Variants in ANKS3 observed in about 807,000 individuals in gnomAD.
The protein encoded by ANKS3 is ankyrin repeat and SAM domain-containing protein 3.
In ANKS3, 62 loss-of-function variants were observed where a neutral mutation model predicts 80.7. The ratio of observed to expected loss-of-function variants is 0.77; its 90% CI spans 0.63 to 0.95. The LOEUF is 0.95. ANKS3 is among the 40% of genes least tolerant of loss of function. ANKS3 has a pLI of 0.00. For missense variants in ANKS3, 1,150 were observed against 883.6 expected (o/e 1.30, Z -3.82); for synonymous variants, 489 against 355.3 (o/e 1.38, Z -4.23).
rs565737241 is a variant in ANKS3, at chr16:4,728,459, G to T, written c.171-1282C>A. ...CAGAAGGTCCTGATACCAGGGTTCA[G>T]TGGCAGCCCCTGGCCAGGGGGGCTG... On this transcript the variant is annotated intron_variant, in intron 3 of 17. Transcript: ENST00000304283. Among the ~76,000 whole-genome samples, 8 of 152,268 alleles carry T rather than the reference G, an allele frequency of 5.3e-5. No homozygotes were observed. In the South Asian group the frequency reaches 8.3e-4, roughly 16 times the overall value.
chr16:4,699,491 G>A (rs753636323), intron 11 of ANKS3: 62 of 361,642 alleles, frequency 1.7e-4, no homozygotes, highest in Admixed American at 4.9e-4. Flanking sequence ...CTTTGTAGGC[G>A]GAGAGCGCTG....
At position 4,730,591 on chromosome 16, in the gene ANKS3, G is replaced by A. The variant is rs1441391423; in HGVS notation, c.-2-440C>T. 7.2e-5 allele frequency among the ~76,000 whole-genome samples: 11 copies of A among 152,272 alleles called. No individual in the cohort carries two copies. In the East Asian group the frequency reaches 1.9e-3, roughly 27 times the overall value. On this transcript the variant is annotated intron_variant, in intron 2 of 17. Coordinates refer to ENST00000304283, the MANE Select transcript of ANKS3 (RefSeq NM_133450.4). ...TTGATCAAAATTCAGCTTGGACCCG[G>A]TGCGGTGGCTCACACCTGTAATCCC...
chr16:4,709,457 C>G (rs1299741621), intron 7 of ANKS3, among the ~76,000 whole-genome samples: 1 of 151,896 alleles, frequency 6.6e-6, no homozygotes, highest in Non-Finnish European at 1.5e-5. Context: ...AGCAATTCCA[C>G]TACTGGGTAT....
chr16:4,732,693 A>AC (rs1567473732), intron 1 of ANKS3, among the ~76,000 whole-genome samples: 1 of 151,348 alleles, frequency 6.6e-6, no homozygotes, highest in African/African-American at 2.4e-5. Context: ...AAAAAAACAA[A>AC]AAAAAAACAC....
intron 11 of ANKS3, 164 bp from the exon 12 acceptor site, chr16:4,699,340 C>G: frequency 1.1e-6 from 1 of 912,114 alleles, no homozygotes; most frequent in Non-Finnish European, 1.6e-6. Flanking sequence ...TCAGGCAGGG[C>G]AGGATGTTGC....
At chr16:4,725,978 TTG>T (rs2081326755) in intron 5 of ANKS3, among the ~76,000 whole-genome samples, 1 of 69,102 alleles carries the variant, frequency 1.4e-5, no homozygotes, top group African/African-American at 3.8e-5. Context: ...ACTGTTGTTT[TTG>T]TTTTTTTTTT....
chr16:4,696,833 C>T lies in ANKS3; in HGVS notation c.*75G>A, dbSNP rs571255909. The T allele has an allele frequency of 3.1e-6, 2 of 639,376 alleles. No individual in the cohort carries two copies. The highest frequency in any genetic ancestry group is 5.2e-5 in the Admixed American group (2 of 38,200). The allele number at this position is 639,376 out of a possible 1,614,324, so 39.6% of individuals were successfully genotyped here. A position where few individuals can be genotyped will look rare whatever the true frequency, so the allele number is the denominator to read the frequency against. On this transcript the variant is annotated 3_prime_UTR_variant, in exon 18 of 18. Transcript: ENST00000304283. Reference sequence around the variant, plus strand: ...CTGGGCTGCACATGGCAGCTACCTGCTCACTGTCCTCCTCACTCCCTGGCA... The same window carrying T: ...CTGGGCTGCACATGGCAGCTACCTGTTCACTGTCCTCCTCACTCCCTGGCA...
At position 4,730,047 on chromosome 16, in the gene ANKS3, C is replaced by T. The variant is rs1304317807; in HGVS notation, c.103G>A (p.Val35Ile). 2.5e-6 allele frequency: 4 copies of T among 1,588,754 alleles called. No individual in the cohort carries two copies. Among genetic ancestry groups the T allele is most frequent in the East Asian group, 4.7e-5 (2 of 42,766 alleles). Residue 35 changes from valine (V) to isoleucine (I), a missense_variant, in exon 3 of 18, where the codon GTC (valine) becomes ATC (isoleucine). Coordinates refer to ENST00000304283, the MANE Select transcript of ANKS3 (RefSeq NM_133450.4). ...GTQVSGEELDVPLDLHTAASI... is the reference protein window; with the variant it reads ...GTQVSGEELDIPLDLHTAASI... Reference sequence around the variant, plus strand: ...GCAGCTGTGTGAAGATCCAGGGGGACATCCAGCTCCTCCCCGCTGACCTGT... The same window carrying T: ...GCAGCTGTGTGAAGATCCAGGGGGATATCCAGCTCCTCCCCGCTGACCTGT...
chr16:4,707,828 G>A (rs1382229290), intron 7 of ANKS3, among the ~76,000 whole-genome samples: 1 of 151,972 alleles, frequency 6.6e-6, no homozygotes, highest in African/African-American at 2.4e-5. Context: ...ATATTGATCA[G>A]GGCCGGGCGC....
intron 1 of ANKS3, among the ~76,000 whole-genome samples, chr16:4,732,666 G>C (rs979896966): frequency 1.1e-5 from 1 of 88,254 alleles, no homozygotes; most frequent in Non-Finnish European, 2.1e-5. Context: ...GCAACAGAGC[G>C]AAATTCTGTC....
rs935786568 is a variant in ANKS3, at chr16:4,716,250, C to T, written c.574-2064G>A. On this transcript the variant is annotated intron_variant, in intron 6 of 17. Coordinates refer to ENST00000304283, the MANE Select transcript of ANKS3 (RefSeq NM_133450.4). ...TGGTGGGCACCTGCAGTCCCAGCTA[C>T]TCCGGGGGGCTGAGGCAGGAGAATC... Among the ~76,000 whole-genome samples, 318 of 151,260 alleles carry T rather than the reference C, an allele frequency of 2.1e-3. 11 individuals carry two copies. The highest frequency in any genetic ancestry group is 2.5e-4 in the Non-Finnish European group (17 of 67,874).
At chr16:4,714,359 G>C in intron 6 of ANKS3, 173 bp from the exon 7 acceptor site, 5 of 958,486 alleles carry the variant, frequency 5.2e-6, no homozygotes, top group Non-Finnish European at 6.1e-6. Flanking sequence ...GCAGCCACAA[G>C]TTTTGCTCTC....
chr16:4,698,451 G>A lies in ANKS3; in HGVS notation c.1700C>T (p.Ala567Val). ...LRETWALARDAALVLDQLRAC... is the reference protein window; with the variant it reads ...LRETWALARDVALVLDQLRAC... ...CCGCAGCTGGTCCAGGACGAGGGCA[G>A]CATCCCGGGCCAGGGCCCACGTCTC... Residue 567 changes from alanine to valine, a missense_variant, in exon 14 of 18, where the codon GCT (alanine) becomes GTT (valine). By Grantham distance (64) the Ala-to-Val change is moderately conservative. Transcript: ENST00000304283. 1 of 1,537,504 alleles carries A rather than the reference G, an allele frequency of 6.5e-7. No individual in the cohort carries two copies. Among genetic ancestry groups the A allele is most frequent in the Non-Finnish European group, 8.7e-7 (1 of 1,148,446 alleles).
At chr16:4,715,225 G>C (rs9940489) in intron 6 of ANKS3, among the ~76,000 whole-genome samples, 2 of 151,944 alleles carry the variant, frequency 1.3e-5, no homozygotes, top group Non-Finnish European at 2.9e-5. Context: ...TGGATCGCTC[G>C]GCTCAGGAGT....
intron 6 of ANKS3, among the ~76,000 whole-genome samples, chr16:4,720,956 A>G (rs1245546379): frequency 6.7e-6 from 1 of 148,284 alleles, no homozygotes; most frequent in Admixed American, 6.8e-5. Context: ...AAACAAACAA[A>G]CAAAAAAACT....
rs781451809 is a variant in ANKS3, at chr16:4,699,074, C to G, written c.1387G>C (p.Asp463His). Residue 463 changes from aspartate to histidine, a missense_variant, in exon 12 of 18, where the codon GAC (aspartate) becomes CAC (histidine). Coordinates refer to ENST00000304283, the MANE Select transcript of ANKS3 (RefSeq NM_133450.4). ...LRIFLTLTES[D>H]LKEIGITLFG... The stretch of plus-strand genomic sequence containing the variant: ...CACGTGATGCCAATTTCCTTCAGGT[C>G]GCTCTCAGTGAGGGTCAGAAAGATG... 3 of 1,614,160 alleles carry G rather than the reference C, an allele frequency of 1.9e-6. No individual in the cohort carries two copies. Among genetic ancestry groups the G allele is most frequent in the Non-Finnish European group, 1.7e-6 (2 of 1,180,048 alleles).
Position 4,702,209 on chromosome 16 carries a change from T to C in ANKS3, c.902A>G (p.Asn301Ser), listed in dbSNP as rs2079954027. The C allele has an allele frequency of 3.1e-6, 5 of 1,588,402 alleles. No individual in the cohort carries two copies. Among genetic ancestry groups the C allele is most frequent in the African/African-American group, 1.4e-5 (1 of 73,174 alleles). ...TTCCAGGGGGTTCTCGCCACTGCTG[T>C]TGAAGGTGACATAGCCACGGGGAGG... Reference protein sequence around the residue: ...QAPPRGYVTFNSSGENPLEEE... With the variant: ...QAPPRGYVTFSSSGENPLEEE... Residue 301 changes from asparagine (N) to serine (S), a missense_variant, in exon 9 of 18, where the codon AAC (asparagine) becomes AGC (serine). Asn to Ser is a conservative substitution (Grantham distance 46). Coordinates refer to ENST00000304283, the MANE Select transcript of ANKS3 (RefSeq NM_133450.4).
At position 4,721,018 on chromosome 16, in the gene ANKS3, A is replaced by G. The variant is rs199945295; in HGVS notation, c.573+3732T>C. 1.5e-3 allele frequency among the ~76,000 whole-genome samples: 230 copies of G among 150,044 alleles called. 5 individuals are homozygous for G. The East Asian group carries it at 0.031, about 21-fold the overall frequency. On this transcript the variant is annotated intron_variant, in intron 6 of 17. Coordinates refer to ENST00000304283, the MANE Select transcript of ANKS3 (RefSeq NM_133450.4). The stretch of plus-strand genomic sequence containing the variant: ...TGCCACCATAAAAAAAAAAAAAAAA[A>G]AGAGAGGCCAGGCACGGTGGCTCAC...
intron 7 of ANKS3, among the ~76,000 whole-genome samples, chr16:4,706,901 A>T (rs2080223709): frequency 6.6e-6 from 1 of 152,206 alleles, no homozygotes; most frequent in Admixed American, 6.5e-5. Context: ...GTGCAAACTG[A>T]CAGGACAACT....
Sources: gnomAD v4.1 joint callset for allele counts (sites outside exome capture counted in the v4.1 genomes callset) on GRCh38, gnomAD v4.1.1 for gene constraint, MANE v1.5 for transcripts, NCBI Gene and HGNC (gene_info 2026-07-23, HGNC 2026-07-21) for gene names.